Variants in MTMR6 observed in about 807,000 individuals in gnomAD.
MTMR6 encodes phosphatidylinositol-3,5-bisphosphate 3-phosphatase MTMR6.
A neutral mutation model predicts 80.1 loss-of-function variants in MTMR6; 47 were observed. The ratio of observed to expected loss-of-function variants is 0.59; its 90% CI spans 0.46 to 0.75. The LOEUF (loss-of-function observed/expected upper bound fraction) is 0.75, where lower values mean the gene tolerates loss of function less well. Ranked by LOEUF, MTMR6 falls within the 30% of genes least tolerant of loss-of-function variation. The pLI, the probability that MTMR6 is intolerant of heterozygous loss-of-function variation, is 0.00. For synonymous variants in MTMR6, 254 were observed against 253.0 expected, an observed-to-expected ratio of 1.00 and a Z score of -0.04; for missense variants, 629 against 730.9, an observed-to-expected ratio of 0.86 and a Z score of 1.61.
rs552339185 is a variant in MTMR6 at position 25,260,710 on chromosome 13, C to T, written c.726+958G>A. 92 of 1,170,920 alleles carry T rather than the reference C, an allele frequency of 7.9e-5. 1 individual carries two copies. The highest frequency in any genetic ancestry group is 1.0e-4 in the Non-Finnish European group (90 of 901,416). The allele number at this position is 1,170,920 out of a possible 1,614,324, so 72.5% of individuals were successfully genotyped here. On this transcript the variant is annotated intron_variant, in intron 6 of 13. Transcript: ENST00000381801. ...ACGCTATAACAAAAATTAAAAGTAACGTTAGCTATTACCACTGAGGATTTT... is the reference window on the plus strand; with the variant it reads ...ACGCTATAACAAAAATTAAAAGTAATGTTAGCTATTACCACTGAGGATTTT...
At position 25,265,873 on chromosome 13, in the gene MTMR6, C is replaced by T; in HGVS notation, c.537G>A (p.Lys179=). 2 of 1,614,082 alleles carry T rather than the reference C, an allele frequency of 1.2e-6. No homozygotes were observed. Among genetic ancestry groups the T allele is most frequent in the Middle Eastern group, 1.6e-4 (1 of 6,062 alleles). The change falls in exon 5 of 14, where the codon AAG becomes AAA. Residue 179 remains lysine (K), a synonymous_variant. Transcript: ENST00000381801. ...ASKPIIVGSS[K]FRSKGRFPVL... ...CTGGGAATCTTCCCTTGCTCCGGAA[C>T]TTGGAACTACCAACAATTATTGGTT...
intron 9 of MTMR6, 60 bp from the exon 10 acceptor site, chr13:25,254,494 G>T: frequency 8.9e-7 from 1 of 1,118,336 alleles, no homozygotes; most frequent in Non-Finnish European, 1.3e-6. Flanking sequence ...GTTTAGGCTG[G>T]ATTAAATCTT....
chr13:25,266,139 C>T lies in MTMR6; in HGVS notation c.452G>A (p.Arg151Gln), dbSNP rs116067614. 4.5e-4 allele frequency: 724 copies of T among 1,613,616 alleles called. 6 individuals are homozygous for T. The African/African-American group carries it at 8.5e-3, about 19-fold the overall frequency. ...NSHWQLSDAN[R>Q]DYKICETYPR... ...ATGTTGTTAAGGTACCTTGTAGTCCCGGTTGGCATCAGACAACTGCCAGTG... is the reference window on the plus strand; with the variant it reads ...ATGTTGTTAAGGTACCTTGTAGTCCTGGTTGGCATCAGACAACTGCCAGTG... The change falls in exon 4 of 14, where the codon CGG becomes CAG. Residue 151 changes from arginine (R) to glutamine (Q), a missense_variant. By Grantham distance (43) the Arg-to-Gln change is conservative (BLOSUM62 1). Coordinates refer to ENST00000381801, the MANE Select transcript of MTMR6 (RefSeq NM_004685.5).
chr13:25,257,080 C>A (rs1407910660), intron 9 of MTMR6, 116 bp downstream of exon 9: 11 of 1,118,824 alleles, frequency 9.8e-6, no homozygotes, highest in Non-Finnish European at 1.4e-5. Flanking sequence ...CCCACGGATG[C>A]CAGTCTCATC....
At chr13:25,258,821 G>C in intron 6 of MTMR6, 129 bp from the exon 7 acceptor site, 2 of 665,296 alleles carry the variant, frequency 3.0e-6, no homozygotes. Context: ...AACTGAATAA[G>C]CTACCATTCA....
intron 7 of MTMR6, 22 bp from the exon 8 acceptor site, chr13:25,257,867 T>C (rs1238225851): frequency 1.3e-6 from 2 of 1,542,182 alleles, no homozygotes; most frequent in Admixed American, 1.7e-5. Context: ...ATAAAAATAT[T>C]TCAATTAGAA....
intron 10 of MTMR6, 50 bp from the exon 11 acceptor site, chr13:25,254,014 T>C (rs1566035041): frequency 3.2e-6 from 5 of 1,561,312 alleles, no homozygotes; most frequent in Non-Finnish European, 3.5e-6. Context: ...GAAAGGTCCA[T>C]TGTTCAGGTA....
In MTMR6 at chr13:25,251,842, T is replaced by C. The variant is rs772466411; in HGVS notation, c.1478+11A>G. ...AATTCAAGTATAAATACTCCAATGA[T>C]GTCAACTTACTTAAAATTGAAAGAT... On this transcript the variant is annotated intron_variant, in intron 12 of 13. Coordinates refer to ENST00000381801, the MANE Select transcript of MTMR6 (RefSeq NM_004685.5). This position sits in a 1 kb window ranked among gnomAD's most constrained non-coding sequence, Gnocchi z 4.1. 3 of 1,604,516 alleles carry C rather than the reference T, an allele frequency of 1.9e-6. No homozygotes were observed. Among genetic ancestry groups the C allele is most frequent in the African/African-American group, 1.3e-5 (1 of 74,288 alleles).
chr13:25,249,252 C>T lies in MTMR6; in HGVS notation c.1846G>A (p.Val616Met). Residue 616 changes from valine (V) to methionine (M), a missense_variant, in exon 14 of 14, where the codon GTG (valine) becomes ATG (methionine). By Grantham distance (21) the Val-to-Met change is conservative. Coordinates refer to ENST00000381801, the MANE Select transcript of MTMR6 (RefSeq NM_004685.5). The part of the protein sequence containing the change: ...EPAVVSLEYG[V>M]ARMTC ...TGAGTCTAACAAGTCATTCTTGCCA[C>T]ACCATACTCTAAGCTGACCACAGCA... 1 of 1,613,844 alleles carries T rather than the reference C, an allele frequency of 6.2e-7. No homozygotes were observed. Among genetic ancestry groups the T allele is most frequent in the Non-Finnish European group, 8.5e-7 (1 of 1,179,794 alleles).
chr13:25,285,402 C>G (rs964108032), intron 1 of MTMR6, among the ~76,000 whole-genome samples: 1 of 94,584 alleles, frequency 1.1e-5, no homozygotes, highest in Non-Finnish European at 2.4e-5. Context: ...CCCCCCCCCC[C>G]AATTATGTCA....
In MTMR6 at chr13:25,257,284, C is replaced by T. The variant is rs1228406646; in HGVS notation, c.1007G>A (p.Cys336Tyr). The T allele has an allele frequency of 6.2e-7, 1 of 1,613,902 alleles. No individual in the cohort carries two copies. Among genetic ancestry groups the T allele is most frequent in the South Asian group, 1.1e-5 (1 of 91,062 alleles). ...TVENASVLVH[C>Y]SDGWDRTSQV... ...GGAAGTCCTATCCCAACCATCGGAA[C>T]AATGCACCAACACACTTGCATTTTC... The change falls in exon 9 of 14, where the codon TGT becomes TAT. Residue 336 changes from cysteine (C) to tyrosine (Y), a missense_variant. Cys to Tyr is a radical substitution (Grantham distance 194). Transcript: ENST00000381801.
rs942640818 is a variant in MTMR6, at chr13:25,247,339, C to T, written c.*1893G>A. 3.9e-5 allele frequency: 6 copies of T among 152,684 alleles called. No homozygotes were observed. The highest frequency in any genetic ancestry group is 1.4e-4 in the African/African-American group (6 of 41,566). 9.5% of individuals were successfully genotyped at this position (152,684 alleles called of 1,614,324 possible). A position where few individuals can be genotyped will look rare whatever the true frequency, so the allele number is the denominator to read the frequency against. ...AATTTACATGCTATACACTTCCAAACACACTGAACATAAATTCAACTTTAT... is the reference window on the plus strand; with the variant it reads ...AATTTACATGCTATACACTTCCAAATACACTGAACATAAATTCAACTTTAT... On this transcript the variant is annotated 3_prime_UTR_variant, in exon 14 of 14. Coordinates refer to ENST00000381801, the MANE Select transcript of MTMR6 (RefSeq NM_004685.5).
Position 25,249,204 on chromosome 13 carries a change from C to A in MTMR6, c.*28G>T, listed in dbSNP as rs368711396. ...TCACAATAATCCTTTTCTTGTACTGCAATCATTGCAGAAAAAACTCTATGA... is the reference window on the plus strand; with the variant it reads ...TCACAATAATCCTTTTCTTGTACTGAAATCATTGCAGAAAAAACTCTATGA... On this transcript the variant is annotated 3_prime_UTR_variant, in exon 14 of 14. Coordinates refer to ENST00000381801, the MANE Select transcript of MTMR6 (RefSeq NM_004685.5). 2 of 1,603,466 alleles carry A rather than the reference C, an allele frequency of 1.2e-6. No homozygotes were observed. Among genetic ancestry groups the A allele is most frequent in the Admixed American group, 1.7e-5 (1 of 59,272 alleles).
At position 25,247,073 on chromosome 13, in the gene MTMR6, A is replaced by G. The variant is rs1307785868; in HGVS notation, c.*2159T>C. On this transcript the variant is annotated 3_prime_UTR_variant, in exon 14 of 14. Coordinates refer to ENST00000381801, the MANE Select transcript of MTMR6 (RefSeq NM_004685.5). Reference sequence around the variant, plus strand: ...CATCTGATGGGCCTTTTAGCCCACTATACCTATTTTAAATATTCTGGAAAT... The same window carrying G: ...CATCTGATGGGCCTTTTAGCCCACTGTACCTATTTTAAATATTCTGGAAAT... 2 of 152,214 alleles carry G rather than the reference A, an allele frequency of 1.3e-5. No individual in the cohort carries two copies. The allele number at this position is 152,214 out of a possible 1,614,324, so 9.4% of individuals were successfully genotyped here. A position where few individuals can be genotyped will look rare whatever the true frequency, so the allele number is the denominator to read the frequency against.
Position 25,258,637 on chromosome 13 carries a change from T to C in MTMR6, c.782A>G (p.Tyr261Cys), listed in dbSNP as rs916475978. Residue 261 changes from tyrosine (Y) to cysteine (C), a missense_variant, in exon 7 of 14, where the codon TAT becomes TGT. By Grantham distance (194) the Tyr-to-Cys change is radical. Coordinates refer to ENST00000381801, the MANE Select transcript of MTMR6 (RefSeq NM_004685.5). ...AGKGYENEDNYSNIRFQFVGI... is the reference protein window; with the variant it reads ...AGKGYENEDNCSNIRFQFVGI... ...AACAAACTGAAATCTAATATTGGAA[T>C]AGTTGTCTTCATTTTCATAACCTTT... The C allele has an allele frequency of 6.3e-7, 1 of 1,597,826 alleles. No individual in the cohort carries two copies. The highest frequency in any genetic ancestry group is 1.4e-5 in the African/African-American group (1 of 74,020).
At chr13:25,277,546 GATTT>G (rs1237150720) in intron 1 of MTMR6, among the ~76,000 whole-genome samples, 13 of 152,180 alleles carry the variant, frequency 8.5e-5, no homozygotes, top group Non-Finnish European at 4.4e-5. Flanking sequence ...GAAATCATTT[GATTT>G]ATTAAATAAG....
intron 1 of MTMR6, among the ~76,000 whole-genome samples, chr13:25,280,615 G>T (rs775701234): frequency 1.3e-5 from 2 of 152,154 alleles, no homozygotes; most frequent in African/African-American, 2.4e-5. Context: ...TGTTGCTACA[G>T]ATTTTCCCCA....
Position 25,249,496 on chromosome 13 carries a change from GA to G in MTMR6, c.1606-5del. 6.2e-7 allele frequency: 1 copy of G among 1,605,560 alleles called. No homozygotes were observed. On this transcript the variant is annotated splice_polypyrimidine_tract_variant and splice_region_variant and intron_variant, in intron 13 of 13. Coordinates refer to ENST00000381801, the MANE Select transcript of MTMR6 (RefSeq NM_004685.5). ...TATTTTTGCGTTGTTTAATTTTCTA[GA>G]ACAAACACAAATTTGAAAAAATTAC...
Position 25,249,366 on chromosome 13 carries a change from C to T in MTMR6, c.1732G>A (p.Val578Ile), listed in dbSNP as rs772548446. Reference protein sequence around the residue: ...LCFKEQTLLPVNDALRTIEGS... With the variant: ...LCFKEQTLLPINDALRTIEGS... ...TCTATAGTTCGAAGAGCATCATTTA[C>T]GGGTAGCAGAGTCTGCTCTTTAAAA... is the stretch of plus-strand genomic sequence containing the variant. The change falls in exon 14 of 14, where the codon GTA becomes ATA. Residue 578 changes from valine to isoleucine, a missense_variant. By Grantham distance (29) the Val-to-Ile change is conservative (BLOSUM62 3). Coordinates refer to ENST00000381801, the MANE Select transcript of MTMR6 (RefSeq NM_004685.5). The T allele has an allele frequency of 2.0e-5, 32 of 1,614,000 alleles. 1 individual carries two copies. In the African/African-American group the frequency reaches 2.7e-4, roughly 13 times the overall value.
Sources: allele counts gnomAD v4.1 joint callset (sites outside exome capture counted in the v4.1 genomes callset), GRCh38; gene constraint gnomAD v4.1.1; non-coding constraint Gnocchi (gnomAD v3.1); transcripts MANE v1.5; gene names NCBI Gene and HGNC (gene_info 2026-07-23, HGNC 2026-07-21).